CDK19: variants seen among roughly 807,000 people sequenced by gnomAD.
CDK19 encodes cyclin dependent kinase 19, also known as cyclin-dependent kinase 19.
Under a neutral mutation model 68.3 loss-of-function variants are expected in CDK19, and 20 were observed. The ratio of observed to expected loss-of-function variants is 0.29; its 90% CI spans 0.21 to 0.43. The LOEUF (loss-of-function observed/expected upper bound fraction) is 0.43, where lower values mean the gene tolerates loss of function less well. CDK19 is among the 20% of genes least tolerant of loss of function. CDK19 has a pLI of 1.00. For synonymous variants in CDK19, 221 were observed against 222.8 expected (o/e 0.99, Z 0.07); for missense variants, 339 against 623.5 (o/e 0.54, Z 4.86).
At chr6:110,799,906 A>C (rs1782230755) in intron 1 of CDK19, among the ~76,000 whole-genome samples, 1 of 152,174 alleles carries the variant, frequency 6.6e-6, no homozygotes, top group Admixed American at 6.6e-5. Flanking sequence ...CCTGACCTTG[A>C]ATATTTTCAA....
At chr6:110,616,548 G>C (rs1483654844) in intron 12 of CDK19, among the ~76,000 whole-genome samples, 1 of 151,846 alleles carries the variant, frequency 6.6e-6, no homozygotes, top group East Asian at 1.9e-4. Flanking sequence ...GGTCCCTGTA[G>C]TTCCAGCTAC....
rs1468203768 is a variant in CDK19, at chr6:110,735,397, CATTT to C, written c.204+10725_204+10728del. ...AGTAACAATTTCAAGTAAATTCTTG[CATTT>C]ATTTAATAATTTATTAACAGCCCAC... On this transcript the variant is annotated intron_variant, in intron 2 of 12. Transcript: ENST00000368911. Among the ~76,000 whole-genome samples the C allele has an allele frequency of 1.5e-4, 23 of 152,194 alleles. No homozygotes were observed. In the East Asian group the frequency reaches 2.7e-3, roughly 18 times the overall value.
chr6:110,724,508 C>T (rs1320952193), intron 2 of CDK19, among the ~76,000 whole-genome samples: 1 of 152,132 alleles, frequency 6.6e-6, no homozygotes, highest in East Asian at 1.9e-4. Flanking sequence ...TGGAAAAGTT[C>T]TGGAGCAGAA....
At chr6:110,643,091 C>T (rs1255812740) in intron 4 of CDK19, 29 of 722,770 alleles carry the variant, frequency 4.0e-5, no homozygotes, top group Non-Finnish European at 5.4e-5. Context: ...GGAAGCTGAG[C>T]CTGCTACCCC....
chr6:110,657,902 A>G lies in CDK19; in HGVS notation c.456+9532T>C, dbSNP rs73763402. On this transcript the variant is annotated intron_variant, in intron 4 of 12. Transcript: ENST00000368911. ...TTGGTGTGTACCCTCTCACTATGGA[A>G]TAACTGGTGAAGCATTAATTCAAAC... Among the ~76,000 whole-genome samples, 580 of 152,278 alleles carry G rather than the reference A, an allele frequency of 3.8e-3. 2 individuals are homozygous for G. The highest frequency in any genetic ancestry group is 0.013 in the African/African-American group (533 of 41,544).
chr6:110,665,411 G>A (rs1451956840), intron 4 of CDK19, among the ~76,000 whole-genome samples: 2 of 152,196 alleles, frequency 1.3e-5, no homozygotes, highest in Non-Finnish European at 1.5e-5. Flanking sequence ...ATAACCAAAA[G>A]AGAGGACACT....
intron 2 of CDK19, among the ~76,000 whole-genome samples, chr6:110,701,700 A>C (rs1474804079): frequency 6.6e-6 from 1 of 152,268 alleles, no homozygotes; most frequent in African/African-American, 2.4e-5. Context: ...AATTGAAGCA[A>C]TGGAGACATA....
intron 4 of CDK19, among the ~76,000 whole-genome samples, chr6:110,649,888 T>C (rs1780855868): frequency 1.3e-5 from 2 of 152,208 alleles, no homozygotes; most frequent in Non-Finnish European, 2.9e-5. Flanking sequence ...GGTGGCAGAA[T>C]AGTTGTTGGT....
At chr6:110,706,297 C>T (rs1774466985) in intron 2 of CDK19, 1 of 152,080 alleles carries the variant, frequency 6.6e-6, no homozygotes, top group African/African-American at 2.4e-5. Flanking sequence ...AGGTGATCCA[C>T]CTGCCTCAGC....
At chr6:110,676,958 A>G (rs972460252) in intron 2 of CDK19, among the ~76,000 whole-genome samples, 1 of 152,152 alleles carries the variant, frequency 6.6e-6, no homozygotes, top group Non-Finnish European at 1.5e-5. Context: ...TTCTTCCCTA[A>G]TCCCCAAATT....
At chr6:110,746,393 C>T (rs1291330437) in intron 1 of CDK19, among the ~76,000 whole-genome samples, 192 bp from the exon 2 acceptor site, 1 of 152,072 alleles carries the variant, frequency 6.6e-6, no homozygotes, top group Non-Finnish European at 1.5e-5. Flanking sequence ...ATTCATGTCA[C>T]AATGAAAACA....
chr6:110,636,586 T>C (rs995948803), intron 5 of CDK19, among the ~76,000 whole-genome samples: 3 of 152,150 alleles, frequency 2.0e-5, no homozygotes, highest in African/African-American at 7.2e-5. Flanking sequence ...TACAGGCCAC[T>C]TGATTTGGTA....
At chr6:110,640,607 G>A (rs182934862) in intron 4 of CDK19, among the ~76,000 whole-genome samples, 238 of 152,228 alleles carry the variant, frequency 1.6e-3, no homozygotes, top group African/African-American at 5.3e-3. Flanking sequence ...AGTTATAAGA[G>A]GTAATGGTTT....
chr6:110,777,964 G>A (rs1168168313), intron 1 of CDK19, among the ~76,000 whole-genome samples: 3 of 152,164 alleles, frequency 2.0e-5, no homozygotes, highest in African/African-American at 7.2e-5. Flanking sequence ...GAATGTGGTT[G>A]CCATGTGCTG....
At chr6:110,706,644 A>C (rs1309190751) in intron 2 of CDK19, 1 of 149,942 alleles carries the variant, frequency 6.7e-6, no homozygotes, top group Non-Finnish European at 1.5e-5. Flanking sequence ...TGATCTCCTG[A>C]CCTTGTGATC....
intron 4 of CDK19, among the ~76,000 whole-genome samples, chr6:110,650,726 T>C (rs1201749372): frequency 6.6e-6 from 1 of 152,078 alleles, no homozygotes; most frequent in East Asian, 1.9e-4. Flanking sequence ...ACGGGGGATA[T>C]CTGGAGACAA....
chr6:110,659,479 A>G (rs1781490542), intron 4 of CDK19, among the ~76,000 whole-genome samples: 1 of 152,252 alleles, frequency 6.6e-6, no homozygotes, highest in African/African-American at 2.4e-5. Context: ...CAGCAGAAAT[A>G]CCAGCTTTGG....
At chr6:110,638,615 T>G in intron 5 of CDK19, 34 bp downstream of exon 5, 2 of 1,124,328 alleles carry the variant, frequency 1.8e-6, no homozygotes, top group Non-Finnish European at 1.4e-6. Context: ...TAACTTCAGT[T>G]TTTAAATAAA....
chr6:110,705,805 G>T (rs1266891898), intron 2 of CDK19, among the ~76,000 whole-genome samples: 1 of 152,118 alleles, frequency 6.6e-6, no homozygotes, highest in Non-Finnish European at 1.5e-5. Context: ...GTTGAACAAT[G>T]AGAACATATA....
Sources: allele counts gnomAD v4.1 joint callset (sites outside exome capture counted in the v4.1 genomes callset), GRCh38; gene constraint gnomAD v4.1.1; transcripts MANE v1.5; gene names NCBI Gene and HGNC (gene_info 2026-07-23, HGNC 2026-07-21).